CHCHD6: variants seen among roughly 807,000 people sequenced by gnomAD.
The protein encoded by CHCHD6 is coiled-coil-helix-coiled-coil-helix domain containing 6, also known as MICOS complex subunit MIC25.
In CHCHD6, 28 loss-of-function variants were observed where a neutral mutation model predicts 32.3. That is an observed-to-expected ratio of 0.87 (90% confidence interval 0.64 to 1.19). CHCHD6 has a LOEUF of 1.19. Ranked by LOEUF, CHCHD6 falls within the 50% of genes most tolerant of loss-of-function variation. The pLI, the probability that CHCHD6 is intolerant of heterozygous loss-of-function variation, is 0.00. For missense variants in CHCHD6, 333 were observed against 307.0 expected, an observed-to-expected ratio of 1.08 and a Z score of -0.63; for synonymous variants, 122 against 117.5, an observed-to-expected ratio of 1.04 and a Z score of -0.25.
At chr3:126,738,949 G>T (rs561836609) in intron 4 of CHCHD6, among the ~76,000 whole-genome samples, 28 of 152,310 alleles carry the variant, frequency 1.8e-4, no homozygotes, top group South Asian at 6.2e-4. Context: ...CTGGTCAGAG[G>T]TTGTGAAGTA....
At chr3:126,866,386 A>G (rs1428047769) in intron 5 of CHCHD6, among the ~76,000 whole-genome samples, 2 of 152,204 alleles carry the variant, frequency 1.3e-5, no homozygotes, top group Admixed American at 1.3e-4. Flanking sequence ...CTCTGCTGCA[A>G]AAGTGCCTGA....
chr3:126,875,026 A>G (rs998010756), intron 5 of CHCHD6, among the ~76,000 whole-genome samples: 1 of 152,190 alleles, frequency 6.6e-6, no homozygotes, highest in Non-Finnish European at 1.5e-5. Context: ...TGTCCTGACC[A>G]GTGTCCCCTT....
At chr3:126,929,367 G>C (rs577182100) in intron 6 of CHCHD6, among the ~76,000 whole-genome samples, 1 of 152,292 alleles carries the variant, frequency 6.6e-6, no homozygotes, top group African/African-American at 2.4e-5. Context: ...CATGTTGTCT[G>C]CTGTCTCCTT....
intron 5 of CHCHD6, among the ~76,000 whole-genome samples, chr3:126,880,995 T>A (rs749527545): frequency 1.1e-4 from 16 of 152,186 alleles, no homozygotes; most frequent in Non-Finnish European, 2.4e-4. Flanking sequence ...GCAATAATCA[T>A]AGATGTCATA....
chr3:126,770,590 G>T (rs1371197520), intron 4 of CHCHD6, among the ~76,000 whole-genome samples: 1 of 152,154 alleles, frequency 6.6e-6, no homozygotes, highest in Non-Finnish European at 1.5e-5. Context: ...ATGGTCATGT[G>T]GTTTTGTTTT....
chr3:126,869,323 G>A (rs1486042581), intron 5 of CHCHD6, among the ~76,000 whole-genome samples: 3 of 133,306 alleles, frequency 2.3e-5, no homozygotes, highest in Non-Finnish European at 4.8e-5. Context: ...TGACTGTGAT[G>A]GGGATTACCG....
At chr3:126,805,306 C>T (rs1432326995) in intron 4 of CHCHD6, among the ~76,000 whole-genome samples, 2 of 152,022 alleles carry the variant, frequency 1.3e-5, no homozygotes, top group East Asian at 1.9e-4. Flanking sequence ...AAAACCCCAT[C>T]ATCTCAGCCC....
At chr3:126,741,362 T>C (rs115181314) in intron 4 of CHCHD6, among the ~76,000 whole-genome samples, 1 of 150,722 alleles carries the variant, frequency 6.6e-6, no homozygotes, top group African/African-American at 2.5e-5. Flanking sequence ...TTTTAAAGGA[T>C]GTGGAGTCAA....
At chr3:126,870,635 G>C (rs781126842) in intron 5 of CHCHD6, among the ~76,000 whole-genome samples, 73 of 152,324 alleles carry the variant, frequency 4.8e-4, no homozygotes, top group South Asian at 1.0e-3. Context: ...GGCCACCTTA[G>C]TGTGCACACT....
intron 4 of CHCHD6, among the ~76,000 whole-genome samples, chr3:126,801,883 A>G (rs2107690983): frequency 6.6e-6 from 1 of 152,352 alleles, no homozygotes; most frequent in East Asian, 1.9e-4. Context: ...AGGAACGATC[A>G]GACAGCAGCA....
At chr3:126,861,274 G>C (rs1048169249) in intron 5 of CHCHD6, among the ~76,000 whole-genome samples, 1 of 151,952 alleles carries the variant, frequency 6.6e-6, no homozygotes, top group Non-Finnish European at 1.5e-5. Context: ...TAGTGGTTAA[G>C]GTCACAGGCT....
Position 126,733,087 on chromosome 3 carries a change from G to A in CHCHD6, c.276G>A (p.Gln92=). 1 of 1,614,224 alleles carries A rather than the reference G, an allele frequency of 6.2e-7. No individual in the cohort carries two copies. Among genetic ancestry groups the A allele is most frequent in the Non-Finnish European group, 8.5e-7 (1 of 1,180,036 alleles). ...TGTTTCTTCTGCACAGGTATGAACA[G>A]GAGCATGCTGCTATCCAGGATAAGC... ...GMKEGVKRYE[Q]EHAAIQDKLF... The change falls in exon 4 of 8, where the codon CAG becomes CAA. Residue 92 remains glutamine, a synonymous_variant. Transcript: ENST00000290913.
At chr3:126,815,158 C>T (rs907943319) in intron 4 of CHCHD6, among the ~76,000 whole-genome samples, 1 of 152,174 alleles carries the variant, frequency 6.6e-6, no homozygotes, top group Non-Finnish European at 1.5e-5. Flanking sequence ...TGATAATGAG[C>T]TCTGGAGAAA....
intron 6 of CHCHD6, among the ~76,000 whole-genome samples, chr3:126,946,303 G>T (rs1290376671): frequency 2.6e-5 from 4 of 152,202 alleles, no homozygotes; most frequent in Non-Finnish European, 4.4e-5. Flanking sequence ...GAATGAGGGT[G>T]CATCTCCTCT....
intron 4 of CHCHD6, among the ~76,000 whole-genome samples, chr3:126,757,765 C>T (rs1247831726): frequency 6.6e-6 from 1 of 152,138 alleles, no homozygotes; most frequent in East Asian, 1.9e-4. Context: ...TGAGCACCTA[C>T]GTACCACAGA....
intron 4 of CHCHD6, among the ~76,000 whole-genome samples, chr3:126,789,900 A>G (rs962073637): frequency 6.4e-5 from 8 of 125,164 alleles, no homozygotes; most frequent in African/African-American, 3.3e-4. Context: ...TCGTTAGTTG[A>G]TGCAGTTTCT....
intron 4 of CHCHD6, among the ~76,000 whole-genome samples, chr3:126,759,126 G>C (rs1046077350): frequency 6.6e-6 from 1 of 152,154 alleles, no homozygotes; most frequent in African/African-American, 2.4e-5. Flanking sequence ...CTCATTGCCT[G>C]TTCATTTGTG....
At chr3:126,957,905 T>C (rs1459491212) in intron 7 of CHCHD6, 3 of 384,814 alleles carry the variant, frequency 7.8e-6, no homozygotes, top group Non-Finnish European at 1.5e-5. Flanking sequence ...GGTGGGAGGG[T>C]GGCAGAGGCC....
At position 126,864,802 on chromosome 3, in the gene CHCHD6, G is replaced by A. The variant is rs111211345; in HGVS notation, c.495+12072G>A. 3.2e-3 allele frequency among the ~76,000 whole-genome samples: 145 copies of A among 44,952 alleles called. 1 individual carries two copies. Among genetic ancestry groups the A allele is most frequent in the African/African-American group, 7.6e-3 (82 of 10,810 alleles). The allele number at this position is 44,952 out of a possible 152,430, so 29.5% of individuals were successfully genotyped here. ...CTCCACCATCACCTCCTCCTCCACC[G>A]TCACCTCCTCCTCCAGCATCATCTC... On this transcript the variant is annotated intron_variant, in intron 5 of 7. Coordinates refer to ENST00000290913, the MANE Select transcript of CHCHD6 (RefSeq NM_032343.3).
Sources: allele counts gnomAD v4.1 joint callset (sites outside exome capture counted in the v4.1 genomes callset), GRCh38; gene constraint gnomAD v4.1.1; transcripts MANE v1.5; gene names NCBI Gene and HGNC (gene_info 2026-07-23, HGNC 2026-07-21).